Variants in FBXL2 observed in about 807,000 individuals in gnomAD.
FBXL2 encodes the protein F-box/LRR-repeat protein 2.
FBXL2 carries 38 observed loss-of-function variants against 69.2 expected under a neutral mutation model. That is an observed-to-expected ratio of 0.55 (90% CI 0.42 to 0.72). FBXL2 has a LOEUF of 0.72. Ranked by LOEUF, FBXL2 falls within the 30% of genes least tolerant of loss-of-function variation. The probability of loss-of-function intolerance (pLI) is 0.00; values close to 1 mark genes in which losing one functional copy is unlikely to be tolerated. For missense variants in FBXL2, 354 were observed against 520.3 expected (o/e 0.68, Z 3.11); for synonymous variants, 192 against 201.3 (o/e 0.95, Z 0.39).
chr3:33,376,310 G>T lies in FBXL2; in HGVS notation c.788+892G>T, dbSNP rs114694215. ...ACTTTATCCAAGAGGCAGAAAAAAA[G>T]ATACTTTTTAAAAATCTCTACTTCC... On this transcript the variant is annotated intron_variant, in intron 10 of 14. Transcript: ENST00000484457. Among the ~76,000 whole-genome samples the T allele has an allele frequency of 2.7e-3, 411 of 152,222 alleles. 3 individuals carry two copies. The highest frequency in any genetic ancestry group is 9.4e-3 in the African/African-American group (392 of 41,530).
At chr3:33,411,521 A>G in the FBXL2 span, 1 of 1,429,806 alleles carries the variant, frequency 7.0e-7, no homozygotes. Context: ...TCAAAAATTC[A>G]ATCCTACCAT....
At chr3:33,321,434 C>T (rs1293791147) in intron 2 of FBXL2, among the ~76,000 whole-genome samples, 1 of 152,068 alleles carries the variant, frequency 6.6e-6, no homozygotes, top group Non-Finnish European at 1.5e-5. Context: ...TACTTCACAT[C>T]ACTAGTAATC....
chr3:33,359,371 G>T lies in FBXL2; in HGVS notation c.195+14G>T. 1.9e-6 allele frequency: 3 copies of T among 1,599,346 alleles called. No individual in the cohort carries two copies. The highest frequency in any genetic ancestry group is 2.2e-5 in the South Asian group (2 of 89,404). On this transcript the variant is annotated intron_variant, in intron 4 of 14. Coordinates refer to ENST00000484457, the MANE Select transcript of FBXL2 (RefSeq NM_012157.5). ...ACAGATGTAGAGGTAAGTTAGCTTT[G>T]GTTTAGACAAAAAACTTTTTAAAAA... is the stretch of plus-strand genomic sequence containing the variant.
At chr3:33,409,376 T>C in the FBXL2 span, 1 of 1,613,976 alleles carries the variant, frequency 6.2e-7, no homozygotes, top group Non-Finnish European at 8.5e-7. Context: ...ATTTCATCTA[T>C]CAGGCTGCAG....
chr3:33,306,150 C>G (rs2036696085), intron 2 of FBXL2, among the ~76,000 whole-genome samples: 2 of 152,158 alleles, frequency 1.3e-5, no homozygotes, highest in African/African-American at 4.8e-5. Flanking sequence ...ACTCAAAGCT[C>G]TTCTTTTGTT....
chr3:33,393,531 G>A (rs888882049), intron 12 of FBXL2: 16 of 1,415,042 alleles, frequency 1.1e-5, no homozygotes, highest in Non-Finnish European at 1.5e-5. Context: ...TGTAGGATCT[G>A]TACGAAGGTC....
Position 33,359,331 on chromosome 3 carries a change from C to T in FBXL2, c.169C>T (p.Leu57Phe). Residue 57 changes from leucine (L) to phenylalanine (F), a missense_variant, in exon 4 of 15, where the codon CTT becomes TTT. Physicochemically the swap from Leu to Phe is conservative, Grantham distance 22. Transcript: ENST00000484457. ...TGGAAGCAACTGGCAAAGAATAGAT[C>T]TTTTTAACTTTCAAACAGATGTAGA... The part of the protein sequence containing the change: ...LDGSNWQRID[L>F]FNFQTDVEGR... The T allele has an allele frequency of 6.2e-7, 1 of 1,611,774 alleles. No individual in the cohort carries two copies. The highest frequency in any genetic ancestry group is 8.5e-7 in the Non-Finnish European group (1 of 1,178,462).
intron 2 of FBXL2, among the ~76,000 whole-genome samples, chr3:33,319,741 A>G (rs2038036360): frequency 6.6e-6 from 1 of 152,218 alleles, no homozygotes; most frequent in Non-Finnish European, 1.5e-5. Context: ...AAAAATTGAA[A>G]TATCAAAGCA....
At chr3:33,342,928 G>A (rs1375143887) in intron 2 of FBXL2, among the ~76,000 whole-genome samples, 1 of 133,522 alleles carries the variant, frequency 7.5e-6, no homozygotes, top group African/African-American at 2.8e-5. Context: ...TTTTAGTAGA[G>A]ACGGGGTTTC....
intron 12 of FBXL2, among the ~76,000 whole-genome samples, chr3:33,395,022 A>G (rs1362187671): frequency 2.0e-5 from 3 of 152,162 alleles, no homozygotes; most frequent in African/African-American, 7.2e-5. Flanking sequence ...ATATTTCCCC[A>G]TATCCCTCCA....
chr3:33,376,766 C>A (rs189626774), intron 10 of FBXL2, among the ~76,000 whole-genome samples: 1 of 151,800 alleles, frequency 6.6e-6, no homozygotes, highest in East Asian at 1.9e-4. Context: ...TTTGGGAGGC[C>A]GAGGTGGGTG....
chr3:33,339,696 C>G (rs560497814), intron 2 of FBXL2, among the ~76,000 whole-genome samples: 76 of 152,178 alleles, frequency 5.0e-4, no homozygotes, highest in African/African-American at 1.8e-3. Flanking sequence ...CCCCACCAAA[C>G]CCAAAATGAA....
chr3:33,281,666 G>A (rs1202839098), intron 1 of FBXL2, among the ~76,000 whole-genome samples: 2 of 152,172 alleles, frequency 1.3e-5, no homozygotes, highest in South Asian at 2.1e-4. Context: ...CACGAACAGT[G>A]TAAAAGTGTT....
At chr3:33,400,309 TA>T (rs1221072459) in intron 12 of FBXL2, 3 of 1,540,768 alleles carry the variant, frequency 1.9e-6, no homozygotes, top group Non-Finnish European at 2.7e-6. Flanking sequence ...TGAACATAAA[TA>T]AAAGGAACCA....
chr3:33,385,758 C>T lies in FBXL2; in HGVS notation c.*150C>T. The stretch of plus-strand genomic sequence containing the variant: ...AAGACTTCTGTATGGATTGCAGTTA[C>T]TCTGGTGATAGTTTTCACCTTTATT... On this transcript the variant is annotated 3_prime_UTR_variant, in exon 15 of 15. Coordinates refer to ENST00000484457, the MANE Select transcript of FBXL2 (RefSeq NM_012157.5). 2 of 642,476 alleles carry T rather than the reference C, an allele frequency of 3.1e-6. No individual in the cohort carries two copies. The highest frequency in any genetic ancestry group is 5.6e-6 in the Non-Finnish European group (2 of 359,722). The allele number at this position is 642,476 out of a possible 1,614,324, so 39.8% of individuals were successfully genotyped here. A position where few individuals can be genotyped will look rare whatever the true frequency, so the allele number is the denominator to read the frequency against.
At chr3:33,308,493 C>T (rs1425502446) in intron 2 of FBXL2, among the ~76,000 whole-genome samples, 1 of 152,144 alleles carries the variant, frequency 6.6e-6, no homozygotes, top group African/African-American at 2.4e-5. Context: ...CTATCTTCTT[C>T]CATCCACACT....
chr3:33,383,795 G>A, intron 13 of FBXL2, 194 bp from the exon 14 acceptor site: 1 of 581,376 alleles, frequency 1.7e-6, no homozygotes, highest in Non-Finnish European at 3.1e-6. Flanking sequence ...ACTACAGACT[G>A]GATAATTTGT....
At chr3:33,313,562 C>T (rs1007656674) in intron 2 of FBXL2, among the ~76,000 whole-genome samples, 1 of 152,096 alleles carries the variant, frequency 6.6e-6, no homozygotes, top group Admixed American at 6.6e-5. Flanking sequence ...CCTCCTGACT[C>T]AGCCTTCCAA....
At chr3:33,336,235 G>A (rs1439937132) in intron 2 of FBXL2, among the ~76,000 whole-genome samples, 1 of 152,170 alleles carries the variant, frequency 6.6e-6, no homozygotes, top group Non-Finnish European at 1.5e-5. Context: ...TAGTATATTA[G>A]TGTGAGGAAA....
Sources: gnomAD v4.1 joint callset for allele counts (sites outside exome capture counted in the v4.1 genomes callset) on GRCh38, gnomAD v4.1.1 for gene constraint, MANE v1.5 for transcripts, NCBI Gene and HGNC (gene_info 2026-07-23, HGNC 2026-07-21) for gene names.